EFCAB9: variants seen among roughly 807,000 people sequenced by gnomAD.
EFCAB9 encodes the protein EF-hand calcium binding domain 9.
Under a neutral mutation model 15.6 loss-of-function variants are expected in EFCAB9, and 16 were observed. The ratio of observed to expected loss-of-function variants is 1.03; its 90% confidence interval spans 0.69 to 1.56. The LOEUF is 1.56. Among genes scored for constraint, EFCAB9 ranks in the 40% most tolerant of loss-of-function variants. The pLI, the probability that EFCAB9 is intolerant of heterozygous loss-of-function variation, is 0.00. For synonymous variants in EFCAB9, 76 were observed against 85.4 expected (o/e 0.89, Z 0.61); for missense variants, 208 against 235.4 (o/e 0.88, Z 0.76).
At chr5:172,194,581 G>A (rs1342604822) in intron 1 of EFCAB9, among the ~76,000 whole-genome samples, 1 of 151,898 alleles carries the variant, frequency 6.6e-6, no homozygotes, top group Admixed American at 6.6e-5. Flanking sequence ...TTGTATTTTC[G>A]GTAGAGATGA....
chr5:172,199,677 T>A, intron 2 of EFCAB9, 146 bp downstream of exon 2: 1 of 1,233,850 alleles, frequency 8.1e-7, no homozygotes, highest in Non-Finnish European at 1.1e-6. Context: ...ATGGTTCAGG[T>A]TTTTCAACAG....
At chr5:172,198,412 G>T (rs1771197688) in intron 1 of EFCAB9, among the ~76,000 whole-genome samples, 1 of 152,170 alleles carries the variant, frequency 6.6e-6, no homozygotes, top group South Asian at 2.1e-4. Context: ...GGGAGGCTGG[G>T]GTGGGAGGAT....
At chr5:172,203,172 T>C in intron 3 of EFCAB9, 42 bp from the exon 4 acceptor site, 1 of 1,455,240 alleles carries the variant, frequency 6.9e-7, no homozygotes. Flanking sequence ...GTATGAAGTT[T>C]TTCCTGAAAT....
intron 1 of EFCAB9, among the ~76,000 whole-genome samples, chr5:172,198,127 G>A (rs991237869): frequency 5.9e-5 from 9 of 152,112 alleles, no homozygotes; most frequent in African/African-American, 2.2e-4. Flanking sequence ...GTCCCCACTC[G>A]ACCCAGGAAG....
At chr5:172,202,473 T>G (rs1388523582) in intron 3 of EFCAB9, among the ~76,000 whole-genome samples, 1 of 151,724 alleles carries the variant, frequency 6.6e-6, no homozygotes, top group African/African-American at 2.4e-5. Context: ...TTTGGGAGGC[T>G]GGGGTGGGTG....
At chr5:172,196,363 G>A (rs373510024) in intron 1 of EFCAB9, among the ~76,000 whole-genome samples, 145 of 151,400 alleles carry the variant, frequency 9.6e-4, no homozygotes, top group African/African-American at 3.3e-3. Context: ...ACACAGATAC[G>A]TTTTACCTAT....
intron 1 of EFCAB9, among the ~76,000 whole-genome samples, chr5:172,197,328 A>C (rs1771180817): frequency 6.6e-6 from 1 of 151,996 alleles, no homozygotes; most frequent in Admixed American, 6.6e-5. Context: ...GCTGATCTCG[A>C]ACTCGTGACC....
chr5:172,199,623 G>C (rs975058008), intron 2 of EFCAB9, 92 bp downstream of exon 2: 5 of 1,466,588 alleles, frequency 3.4e-6, no homozygotes, highest in African/African-American at 1.4e-5. Context: ...ACTAAAAAGA[G>C]GAAGAAAAGA....
chr5:172,195,660 C>T (rs1404150870), intron 1 of EFCAB9, among the ~76,000 whole-genome samples: 2 of 152,184 alleles, frequency 1.3e-5, no homozygotes, highest in Non-Finnish European at 2.9e-5. Flanking sequence ...ACGCCATGCT[C>T]ATGTCTTCTG....
chr5:172,194,982 C>T (rs1297736659), intron 1 of EFCAB9, among the ~76,000 whole-genome samples: 1 of 151,732 alleles, frequency 6.6e-6, no homozygotes, highest in East Asian at 1.9e-4. Flanking sequence ...TCTGACACAT[C>T]GTAAGGACTT....
At chr5:172,198,263 G>A (rs1287281970) in intron 1 of EFCAB9, among the ~76,000 whole-genome samples, 1 of 152,138 alleles carries the variant, frequency 6.6e-6, no homozygotes, top group Non-Finnish European at 1.5e-5. Flanking sequence ...AATCTCAGCA[G>A]TTTGGGAGGC....
At chr5:172,194,652 G>A (rs904848623) in intron 1 of EFCAB9, among the ~76,000 whole-genome samples, 2 of 152,112 alleles carry the variant, frequency 1.3e-5, no homozygotes, top group South Asian at 2.1e-4. Flanking sequence ...ACCCGCCTCC[G>A]CCTCCCTAAG....
chr5:172,196,821 A>C (rs546454405), intron 1 of EFCAB9, among the ~76,000 whole-genome samples: 4 of 152,016 alleles, frequency 2.6e-5, no homozygotes, highest in Non-Finnish European at 5.9e-5. Flanking sequence ...GTGTATTGCC[A>C]TGCTTGTTTT....
At position 172,194,177 on chromosome 5, in the gene EFCAB9, G is replaced by T; in HGVS notation, c.5G>T (p.Arg2Ile). M[R>I]LKQGSFLWYL... is the part of the protein sequence containing the mutation. Reference sequence around the variant, plus strand: ...TTCAGTTGACACAGTACTAAGATGAGACTGAAGCAAGGATCGTTTCTGTGG... The same window carrying T: ...TTCAGTTGACACAGTACTAAGATGATACTGAAGCAAGGATCGTTTCTGTGG... Residue 2 changes from arginine (R) to isoleucine (I), a missense_variant, in exon 1 of 4, where the codon AGA (arginine) becomes ATA (isoleucine). By Grantham distance (97) the Arg-to-Ile change is moderately conservative (BLOSUM62 -3). Coordinates refer to ENST00000398186, the MANE Select transcript of EFCAB9 (RefSeq NM_001171183.2). The T allele has an allele frequency of 6.5e-7, 1 of 1,537,284 alleles. No individual in the cohort carries two copies. Among genetic ancestry groups the T allele is most frequent in the East Asian group, 2.4e-5 (1 of 40,918 alleles).
intron 1 of EFCAB9, among the ~76,000 whole-genome samples, chr5:172,194,980 A>G (rs1340785432): frequency 6.6e-6 from 1 of 152,028 alleles, no homozygotes; most frequent in Non-Finnish European, 1.5e-5. Flanking sequence ...TGTCTGACAC[A>G]TCGTAAGGAC....
chr5:172,199,420 C>T lies in EFCAB9; in HGVS notation c.174C>T (p.Asp58=). The change falls in exon 2 of 4, where the codon GAC becomes GAT. Residue 58 remains aspartate, a synonymous_variant. Transcript: ENST00000398186. ...ATCACTTCCTTCATCATGTGACTGA[C>T]TTGAAAAAGGCACAGATCAACATTG... ...LFYHFLHHVT[D]LKKAQINIVF... 1 of 1,537,258 alleles carries T rather than the reference C, an allele frequency of 6.5e-7. No homozygotes were observed. The highest frequency in any genetic ancestry group is 8.7e-7 in the Non-Finnish European group (1 of 1,146,926).
intron 3 of EFCAB9, among the ~76,000 whole-genome samples, chr5:172,201,087 A>G (rs1771249582): frequency 6.6e-6 from 1 of 152,112 alleles, no homozygotes; most frequent in Admixed American, 6.6e-5. Flanking sequence ...GCAAAAATAC[A>G]AAAATTGGCC....
chr5:172,203,285 A>G lies in EFCAB9; in HGVS notation c.534A>G (p.Thr178=). ...ACAAATTACAGAAGAGGCAGAAAAC[A>G]GAGGAGAAAGAAAAAGGAGAGAGAA... ...YTDKLQKRQK[T]EEKEKGERKR... is the part of the protein sequence containing the mutation. Residue 178 remains threonine, a synonymous_variant, in exon 4 of 4, where the codon ACA becomes ACG. Coordinates refer to ENST00000398186, the MANE Select transcript of EFCAB9 (RefSeq NM_001171183.2). 1 of 1,536,918 alleles carries G rather than the reference A, an allele frequency of 6.5e-7. No individual in the cohort carries two copies. The highest frequency in any genetic ancestry group is 8.7e-7 in the Non-Finnish European group (1 of 1,146,770).
intron 3 of EFCAB9, 87 bp downstream of exon 3, chr5:172,200,829 G>C (rs562128747): frequency 7.6e-7 from 1 of 1,314,084 alleles, no homozygotes; most frequent in South Asian, 1.5e-5. Flanking sequence ...AGGAGAGATG[G>C]GAGAGGAGGA....
Sources: gnomAD v4.1 joint callset for allele counts (sites outside exome capture counted in the v4.1 genomes callset) on GRCh38, gnomAD v4.1.1 for gene constraint, MANE v1.5 for transcripts, NCBI Gene and HGNC (gene_info 2026-07-23, HGNC 2026-07-21) for gene names.